Variants in ITGA4 observed in about 807,000 individuals in gnomAD.
ITGA4 encodes the protein integrin subunit alpha 4.
In ITGA4, 63 loss-of-function variants were observed where a neutral mutation model predicts 133.6. The observed-to-expected ratio is 0.47, with a 90% CI of 0.38 to 0.58. The LOEUF is 0.58. Ranked by LOEUF, ITGA4 falls within the 20% of genes least tolerant of loss-of-function variation. ITGA4 has a pLI of 0.00. For synonymous variants in ITGA4, 483 were observed against 438.0 expected (o/e 1.10, Z -1.28); for missense variants, 1,076 against 1,252.7 (o/e 0.86, Z 2.13).
At chr2:181,471,660 A>G (rs1685553868) in intron 2 of ITGA4, among the ~76,000 whole-genome samples, 1 of 152,184 alleles carries the variant, frequency 6.6e-6, no homozygotes, top group Admixed American at 6.5e-5. Context: ...AACAGATATG[A>G]GATTACATCT....
At chr2:181,493,957 G>A (rs1184923278) in intron 11 of ITGA4, among the ~76,000 whole-genome samples, 4 of 152,106 alleles carry the variant, frequency 2.6e-5, no homozygotes, top group African/African-American at 9.7e-5. Flanking sequence ...CATATGCAGA[G>A]AAGAAAAGTT....
chr2:181,480,317 T>C, intron 6 of ITGA4, 51 bp downstream of exon 6: 1 of 948,950 alleles, frequency 1.1e-6, no homozygotes, highest in Non-Finnish European at 1.5e-6. Context: ...CAAATACTAG[T>C]ACTGTAATTA....
intron 5 of ITGA4, chr2:181,479,667 T>C (rs1175720036): frequency 6.6e-6 from 1 of 152,158 alleles, no homozygotes; most frequent in Non-Finnish European, 1.5e-5. Flanking sequence ...CTTTTTTCCC[T>C]AAGCTAACAT....
chr2:181,464,224 T>C lies in ITGA4; in HGVS notation c.319+5907T>C, dbSNP rs544248549. ...GGCAGTAGTAAAGGTTGCCAAGACA[T>C]CAACCAGGGTGGTAAATTATGAGGT... On this transcript the variant is annotated intron_variant, in intron 2 of 27. Transcript: ENST00000397033. 1.9e-4 allele frequency among the ~76,000 whole-genome samples: 29 copies of C among 152,236 alleles called. 1 individual carries two copies. In the South Asian group the frequency reaches 4.4e-3, roughly 23 times the overall value.
chr2:181,498,433 AT>A (rs1427593116), intron 14 of ITGA4, 189 bp from the exon 15 acceptor site: 1 of 351,162 alleles, frequency 2.8e-6, no homozygotes, highest in East Asian at 4.4e-5. Context: ...TATAAAAGCA[AT>A]TTTTAAAATT....
At position 181,495,860 on chromosome 2, in the gene ITGA4, A is replaced by G. The variant is rs200133029; in HGVS notation, c.1463A>G (p.Glu488Gly). Residue 488 changes from glutamate (E) to glycine (G), a missense_variant, in exon 14 of 28, where the codon GAA (glutamate) becomes GGA (glycine). Transcript: ENST00000397033. The surrounding 1 kb of genome is among the most constrained non-coding windows in gnomAD (Gnocchi z 4.3). Reference protein sequence around the residue: ...SVNRTKFDCVENGWPSVCIDL... With the variant: ...SVNRTKFDCVGNGWPSVCIDL... ...AATAGAACGAAATTTGACTGTGTTG[A>G]AAATGGATGGCCTTCTGTGTGCATA... 2.5e-6 allele frequency: 4 copies of G among 1,614,012 alleles called. No individual in the cohort carries two copies. Among genetic ancestry groups the G allele is most frequent in the Non-Finnish European group, 3.4e-6 (4 of 1,179,912 alleles).
Position 181,537,582 on chromosome 2 carries a change from G to A in ITGA4, c.*2055G>A, listed in dbSNP as rs1687212192. 2 of 429,350 alleles carry A rather than the reference G, an allele frequency of 4.7e-6. No individual in the cohort carries two copies. The highest frequency in any genetic ancestry group is 9.2e-6 in the Non-Finnish European group (2 of 217,122). 26.6% of individuals were successfully genotyped at this position (429,350 alleles called of 1,614,324 possible). A position where few individuals can be genotyped will look rare whatever the true frequency, so the allele number is the denominator to read the frequency against. ...GAATCAAGGCAGACTTATGAAATCT[G>A]TATTATATTTGTAACAGAATATAGG... On this transcript the variant is annotated 3_prime_UTR_variant, in exon 28 of 28. Transcript: ENST00000397033.
At chr2:181,475,402 A>C in intron 4 of ITGA4, 114 bp downstream of exon 4, 1 of 822,520 alleles carries the variant, frequency 1.2e-6, no homozygotes, top group Non-Finnish European at 1.9e-6. Flanking sequence ...CTTCTAAGTA[A>C]TTATGTTCTT....
intron 22 of ITGA4, among the ~76,000 whole-genome samples, chr2:181,529,211 A>AT (rs1204552170): frequency 1.3e-5 from 2 of 151,556 alleles, no homozygotes; most frequent in Non-Finnish European, 2.9e-5. Flanking sequence ...ACCAAATGAT[A>AT]TTTTTAAAAT....
chr2:181,499,341 A>G (rs1019734894), intron 15 of ITGA4, among the ~76,000 whole-genome samples: 2 of 152,148 alleles, frequency 1.3e-5, no homozygotes, highest in Non-Finnish European at 2.9e-5. Context: ...ATGTCCTGCC[A>G]AAGCACAGCC....
In ITGA4 at chr2:181,524,236, A is replaced by C; in HGVS notation, c.2235A>C (p.Thr745=). ...LSRAEEDLSI[T]VHATCENEEE... ...GAGCGGAAGAGGACCTCAGTATCAC[A>C]GTGCATGCTACCTGGTATAATTTAT... The change falls in exon 20 of 28, where the codon ACA becomes ACC. Residue 745 remains threonine (T), a synonymous_variant. Coordinates refer to ENST00000397033, the MANE Select transcript of ITGA4 (RefSeq NM_000885.6). The C allele has an allele frequency of 1.3e-6, 2 of 1,575,758 alleles. No homozygotes were observed. The highest frequency in any genetic ancestry group is 4.6e-5 in the East Asian group (2 of 43,334).
Position 181,538,305 on chromosome 2 carries a change from A to G in ITGA4, c.*2778A>G. ...TGTTGTTTTTCACATACACCTAATA[A>G]GTATGGTACACAATGCCAATGCCAA... On this transcript the variant is annotated 3_prime_UTR_variant, in exon 28 of 28. Coordinates refer to ENST00000397033, the MANE Select transcript of ITGA4 (RefSeq NM_000885.6). 1 of 946,326 alleles carries G rather than the reference A, an allele frequency of 1.1e-6. No individual in the cohort carries two copies. Among genetic ancestry groups the G allele is most frequent in the Non-Finnish European group, 1.7e-6 (1 of 580,966 alleles). 58.6% of individuals were successfully genotyped at this position (946,326 alleles called of 1,614,324 possible).
intron 10 of ITGA4, among the ~76,000 whole-genome samples, chr2:181,489,925 A>C (rs780774627): frequency 2.6e-5 from 4 of 151,692 alleles, no homozygotes; most frequent in Non-Finnish European, 5.9e-5. Context: ...CATCGGCAAG[A>C]CTCCTGTCTC....
At chr2:181,531,806 G>A in intron 25 of ITGA4, 30 bp downstream of exon 25, 1 of 1,538,200 alleles carries the variant, frequency 6.5e-7, no homozygotes, top group Non-Finnish European at 8.8e-7. Flanking sequence ...TGACAACTTG[G>A]TGGCTAAGTT....
At chr2:181,510,362 A>G (rs1206970954) in intron 16 of ITGA4, among the ~76,000 whole-genome samples, 2 of 152,132 alleles carry the variant, frequency 1.3e-5, no homozygotes, top group Admixed American at 1.3e-4. Flanking sequence ...CCTACATTCT[A>G]ACCAGTGAAC....
intron 2 of ITGA4, among the ~76,000 whole-genome samples, chr2:181,470,369 C>T (rs767881050): frequency 2.0e-5 from 3 of 151,994 alleles, no homozygotes; most frequent in Non-Finnish European, 2.9e-5. Flanking sequence ...TCCAGTATGG[C>T]CCAGGGAAAC....
intron 2 of ITGA4, among the ~76,000 whole-genome samples, chr2:181,465,274 G>A (rs1041463799): frequency 1.3e-5 from 2 of 152,066 alleles, no homozygotes; most frequent in African/African-American, 4.8e-5. Flanking sequence ...CCAGAGAAAC[G>A]TCCTTTGATA....
At chr2:181,493,208 T>C (rs1033136509) in intron 10 of ITGA4, 117 bp from the exon 11 acceptor site, 2 of 638,278 alleles carry the variant, frequency 3.1e-6, no homozygotes, top group Non-Finnish European at 5.5e-6. Flanking sequence ...AAGACTGTTA[T>C]TTTTCATAAA....
intron 2 of ITGA4, 69 bp downstream of exon 2, chr2:181,458,386 G>A (rs1343139567): frequency 7.1e-6 from 11 of 1,551,656 alleles, no homozygotes; most frequent in Non-Finnish European, 8.8e-6. Context: ...CATAGGGCAA[G>A]TCCTGGAAAG....
Sources: gnomAD v4.1 joint callset for allele counts (sites outside exome capture counted in the v4.1 genomes callset) on GRCh38, gnomAD v4.1.1 for gene constraint, Gnocchi (gnomAD v3.1) non-coding constraint, MANE v1.5 for transcripts, NCBI Gene and HGNC (gene_info 2026-07-23, HGNC 2026-07-21) for gene names.